SYT1: variants seen among roughly 807,000 people sequenced by gnomAD.
The protein encoded by SYT1 is synaptotagmin-1.
SYT1 carries 8 observed loss-of-function variants against 44.8 expected under a neutral mutation model. The ratio of observed to expected loss-of-function variants is 0.18; its 90% CI spans 0.10 to 0.32. SYT1 has a LOEUF of 0.32. Ranked by LOEUF, SYT1 falls within the 10% of genes least tolerant of loss-of-function variation. SYT1 has a pLI of 1.00. For missense variants in SYT1, 286 were observed against 509.3 expected (o/e 0.56, Z 4.22); for synonymous variants, 154 against 188.8 (o/e 0.82, Z 1.51).
At chr12:79,105,997 T>A (rs1004022907) in intron 3 of SYT1, among the ~76,000 whole-genome samples, 2 of 152,034 alleles carry the variant, frequency 1.3e-5, no homozygotes, top group South Asian at 2.1e-4. Context: ...ACTAAATGAA[T>A]GAGTACAATC....
In SYT1 at chr12:79,104,155, A is replaced by ATTTT. The variant is rs199824840; in HGVS notation, c.-18+56803_-18+56806dup. Among the ~76,000 whole-genome samples, 17 of 146,362 alleles carry ATTTT rather than the reference A, an allele frequency of 1.2e-4. No homozygotes were observed. In the East Asian group the frequency reaches 3.4e-3, roughly 29 times the overall value. On this transcript the variant is annotated intron_variant, in intron 3 of 10. Transcript: ENST00000261205. ...ATGTTGACATCATTCAATGGAGTCA[A>ATTTT]TTTTTTTTTTTTTGTAATTTGGTCT... is the stretch of plus-strand genomic sequence containing the variant.
intron 1 of SYT1, among the ~76,000 whole-genome samples, chr12:78,880,763 T>G (rs1236960356): frequency 6.6e-6 from 1 of 151,632 alleles, no homozygotes; most frequent in Non-Finnish European, 1.5e-5. Context: ...AAGTTATAAT[T>G]TACAATAAGA....
intron 4 of SYT1, among the ~76,000 whole-genome samples, chr12:79,277,852 G>T (rs996107711): frequency 1.3e-5 from 2 of 151,986 alleles, no homozygotes; most frequent in Non-Finnish European, 2.9e-5. Flanking sequence ...CCAAAAGCAA[G>T]CAGTAGTACC....
intron 9 of SYT1, among the ~76,000 whole-genome samples, chr12:79,415,585 G>T (rs144799524): frequency 3.2e-4 from 49 of 152,206 alleles, no homozygotes; most frequent in African/African-American, 1.1e-3. Flanking sequence ...TCGAGTGAAT[G>T]GACCATAATT....
chr12:79,301,047 ACAAAGTAGT>A (rs1009734609), intron 8 of SYT1, among the ~76,000 whole-genome samples: 2 of 151,946 alleles, frequency 1.3e-5, no homozygotes, highest in African/African-American at 4.8e-5. Context: ...TAATTATTTA[ACAAAGTAGT>A]GGGATGTTTC....
At chr12:79,146,216 A>G (rs577042212) in intron 3 of SYT1, among the ~76,000 whole-genome samples, 1 of 152,304 alleles carries the variant, frequency 6.6e-6, no homozygotes, top group African/African-American at 2.4e-5. Flanking sequence ...ATTCCCACAG[A>G]CAGGCAGCAC....
chr12:79,237,163 T>C lies in SYT1; in HGVS notation c.166+19478T>C, dbSNP rs78445604. On this transcript the variant is annotated intron_variant, in intron 4 of 10. Transcript: ENST00000261205. ...GTGACAGACTCTGTGAACATGCTGT[T>C]GACAGGTGCTGTGTCTGGGTCTGAA... Among the ~76,000 whole-genome samples, 366 of 152,288 alleles carry C rather than the reference T, an allele frequency of 2.4e-3. 8 individuals carry two copies. The East Asian group carries it at 0.056, about 23-fold the overall frequency.
chr12:79,360,903 AC>A (rs1377487126), intron 9 of SYT1, among the ~76,000 whole-genome samples: 4 of 152,210 alleles, frequency 2.6e-5, no homozygotes, highest in Admixed American at 1.3e-4. Context: ...ACAAGTTGGG[AC>A]CCAGGCACAG....
intron 3 of SYT1, among the ~76,000 whole-genome samples, chr12:79,173,393 C>A (rs1182020924): frequency 1.3e-5 from 2 of 152,016 alleles, no homozygotes; most frequent in Non-Finnish European, 2.9e-5. Flanking sequence ...GTCAGTTAGG[C>A]CAAGCATCCT....
At chr12:79,064,035 A>G (rs1875579654) in intron 3 of SYT1, among the ~76,000 whole-genome samples, 1 of 152,050 alleles carries the variant, frequency 6.6e-6, no homozygotes, top group Admixed American at 6.6e-5. Flanking sequence ...CCTTATCCCT[A>G]CCATTCCGGA....
intron 2 of SYT1, among the ~76,000 whole-genome samples, chr12:78,986,833 A>T (rs889258784): frequency 6.6e-6 from 1 of 152,016 alleles, no homozygotes; most frequent in Non-Finnish European, 1.5e-5. Context: ...GATTAGATAC[A>T]TATCTTTCTT....
At chr12:79,332,312 A>T (rs1177683459) in intron 8 of SYT1, among the ~76,000 whole-genome samples, 2 of 152,198 alleles carry the variant, frequency 1.3e-5, no homozygotes, top group Non-Finnish European at 2.9e-5. Context: ...AGGACCATTG[A>T]ATTCCCTAAT....
At chr12:79,022,484 G>A (rs1180776109) in intron 2 of SYT1, among the ~76,000 whole-genome samples, 1 of 151,616 alleles carries the variant, frequency 6.6e-6, no homozygotes, top group African/African-American at 2.4e-5. Flanking sequence ...TTTTCTAGAG[G>A]TTACCTCCAG....
At chr12:79,331,829 A>C (rs962341901) in intron 8 of SYT1, among the ~76,000 whole-genome samples, 1 of 151,244 alleles carries the variant, frequency 6.6e-6, no homozygotes. Flanking sequence ...AAAAGCCACA[A>C]AAAAAAATAA....
chr12:79,049,961 A>G (rs1874351133), intron 3 of SYT1, among the ~76,000 whole-genome samples: 1 of 152,008 alleles, frequency 6.6e-6, no homozygotes, highest in Non-Finnish European at 1.5e-5. Context: ...CTTTCTTATA[A>G]GAATAGAAAA....
chr12:78,931,303 GA>G (rs1877692632), intron 1 of SYT1, among the ~76,000 whole-genome samples: 2 of 66,346 alleles, frequency 3.0e-5, no homozygotes, highest in Non-Finnish European at 2.8e-5. Context: ...AGGAAGGAAG[GA>G]AGGAGAGGGA....
At chr12:79,055,185 G>A (rs879284370) in intron 3 of SYT1, among the ~76,000 whole-genome samples, 3 of 151,908 alleles carry the variant, frequency 2.0e-5, no homozygotes, top group Non-Finnish European at 4.4e-5. Context: ...TAAGTGTCTT[G>A]TTGATTGTAG....
intron 8 of SYT1, among the ~76,000 whole-genome samples, chr12:79,346,967 G>A (rs1360435934): frequency 6.6e-6 from 1 of 151,906 alleles, no homozygotes; most frequent in East Asian, 1.9e-4. Flanking sequence ...CAGCTATAAA[G>A]CAATTGCTAG....
chr12:79,314,398 G>A (rs1480981482), intron 8 of SYT1, among the ~76,000 whole-genome samples: 1 of 152,118 alleles, frequency 6.6e-6, no homozygotes, highest in Non-Finnish European at 1.5e-5. Flanking sequence ...TCTGTGGGAT[G>A]TGAAAAGATT....
Sources: allele counts gnomAD v4.1 joint callset (sites outside exome capture counted in the v4.1 genomes callset), GRCh38; gene constraint gnomAD v4.1.1; transcripts MANE v1.5; gene names NCBI Gene and HGNC (gene_info 2026-07-23, HGNC 2026-07-21).